SND1: variants seen among roughly 807,000 people sequenced by gnomAD.
SND1 encodes the protein staphylococcal nuclease and tudor domain containing 1.
Under a neutral mutation model 121.7 loss-of-function variants are expected in SND1, and 38 were observed. The ratio of observed to expected loss-of-function variants is 0.31; its 90% CI spans 0.24 to 0.41. The LOEUF (loss-of-function observed/expected upper bound fraction) is 0.41, where lower values mean the gene tolerates loss of function less well. Among genes scored for constraint, SND1 ranks in the 10% least tolerant of loss-of-function variants. SND1 has a pLI of 1.00. For synonymous variants in SND1, 401 were observed against 447.4 expected, an observed-to-expected ratio of 0.90 and a Z score of 1.31; for missense variants, 868 against 1,184.6, an observed-to-expected ratio of 0.73 and a Z score of 3.92.
intron 10 of SND1, among the ~76,000 whole-genome samples, chr7:127,728,709 C>T (rs1160608514): frequency 6.6e-6 from 1 of 152,194 alleles, no homozygotes; most frequent in Non-Finnish European, 1.5e-5. Flanking sequence ...TTACAGAGTG[C>T]TGTGAATAAA....
intron 12 of SND1, among the ~76,000 whole-genome samples, chr7:127,852,507 A>G (rs2116663568): frequency 6.7e-6 from 1 of 149,254 alleles, no homozygotes; most frequent in South Asian, 2.1e-4. Flanking sequence ...AAAAAAAAAA[A>G]GAAAAAAGGG....
At chr7:128,017,113 TGCTCAGCACAGTGTAGAGG>T (rs1803242184) in intron 16 of SND1, among the ~76,000 whole-genome samples, 1 of 152,236 alleles carries the variant, frequency 6.6e-6, no homozygotes, top group Non-Finnish European at 1.5e-5. Context: ...TCCCTGAAGC[TGCTCAGCACAGTGTAGAGG>T]GGACAGCAGA....
chr7:128,039,725 G>A (rs1278789810), intron 16 of SND1, among the ~76,000 whole-genome samples: 1 of 152,136 alleles, frequency 6.6e-6, no homozygotes, highest in East Asian at 1.9e-4. Flanking sequence ...TTTTCAAATT[G>A]GCTAAAGTGC....
chr7:128,002,018 G>A (rs952333656), intron 16 of SND1, among the ~76,000 whole-genome samples: 2 of 152,230 alleles, frequency 1.3e-5, no homozygotes, highest in Admixed American at 1.3e-4. Context: ...CCAGAGTAGA[G>A]TTCTAGGCTG....
intron 10 of SND1, among the ~76,000 whole-genome samples, chr7:127,783,434 G>C (rs1037809094): frequency 6.6e-6 from 1 of 152,172 alleles, no homozygotes; most frequent in Non-Finnish European, 1.5e-5. Flanking sequence ...TGAATATTGT[G>C]TTAACAGACT....
chr7:127,914,444 A>G (rs1308444608), intron 14 of SND1, among the ~76,000 whole-genome samples: 5 of 152,136 alleles, frequency 3.3e-5, no homozygotes, highest in African/African-American at 1.2e-4. Flanking sequence ...GCCCTTCTTC[A>G]ACATTTACAT....
chr7:127,653,223 A>G (rs1232902980), intron 1 of SND1, among the ~76,000 whole-genome samples: 1 of 152,168 alleles, frequency 6.6e-6, no homozygotes, highest in Non-Finnish European at 1.5e-5. Flanking sequence ...AAATTCTTCA[A>G]TTTTGAATTT....
chr7:127,661,772 A>G (rs1357288236), intron 1 of SND1, among the ~76,000 whole-genome samples: 1 of 152,000 alleles, frequency 6.6e-6, no homozygotes, highest in Non-Finnish European at 1.5e-5. Context: ...GTATTTCTAT[A>G]CTCAACTTGC....
chr7:127,662,413 T>C (rs1016204700), intron 1 of SND1, among the ~76,000 whole-genome samples: 7 of 152,178 alleles, frequency 4.6e-5, no homozygotes, highest in African/African-American at 2.4e-5. Context: ...TCTGTTGATA[T>C]ATGTTGTTTT....
intron 15 of SND1, among the ~76,000 whole-genome samples, chr7:127,982,075 G>A (rs1802274460): frequency 6.6e-6 from 1 of 152,192 alleles, no homozygotes; most frequent in African/African-American, 2.4e-5. Flanking sequence ...TCAAATGACT[G>A]TAGAAGAGGG....
At chr7:128,024,387 G>A (rs903852393) in intron 16 of SND1, among the ~76,000 whole-genome samples, 3 of 152,156 alleles carry the variant, frequency 2.0e-5, no homozygotes, top group Non-Finnish European at 2.9e-5. Context: ...GGATATAAAT[G>A]TTCCTCTCTC....
chr7:127,925,863 G>C (rs1800821038), intron 14 of SND1, among the ~76,000 whole-genome samples: 1 of 151,340 alleles, frequency 6.6e-6, no homozygotes, highest in Admixed American at 6.6e-5. Context: ...CCAAAGTGCT[G>C]GGATTACAGC....
Position 127,760,224 on chromosome 7 carries a change from T to C in SND1, c.1152+38824T>C, listed in dbSNP as rs1797278258. Among the ~76,000 whole-genome samples the C allele has an allele frequency of 3.3e-5, 5 of 152,334 alleles. No individual in the cohort carries two copies. The South Asian group carries it at 1.0e-3, about 32-fold the overall frequency. Reference sequence around the variant, plus strand: ...TAATCATTAATCTGTCTTGTTTATTTATTATGTGAGAGACCGGATGAGGAA... The same window carrying C: ...TAATCATTAATCTGTCTTGTTTATTCATTATGTGAGAGACCGGATGAGGAA... On this transcript the variant is annotated intron_variant, in intron 10 of 23. Coordinates refer to ENST00000354725, the MANE Select transcript of SND1 (RefSeq NM_014390.4).
chr7:127,985,152 G>A (rs987180841), intron 15 of SND1, among the ~76,000 whole-genome samples: 1 of 152,200 alleles, frequency 6.6e-6, no homozygotes, highest in Non-Finnish European at 1.5e-5. Flanking sequence ...CCAGCTTGTG[G>A]TGTGCGGAGA....
intron 15 of SND1, among the ~76,000 whole-genome samples, chr7:127,930,689 T>C (rs1263422593): frequency 6.6e-6 from 1 of 152,200 alleles, no homozygotes; most frequent in East Asian, 1.9e-4. Context: ...TGAAAGGCAG[T>C]GTGGCAGTTG....
At chr7:127,703,361 G>C in intron 7 of SND1, 38 bp downstream of exon 7, 1 of 1,607,348 alleles carries the variant, frequency 6.2e-7, no homozygotes. Flanking sequence ...TGATGGGCTA[G>C]GGATGCATTT....
intron 1 of SND1, among the ~76,000 whole-genome samples, chr7:127,675,222 A>C (rs898485443): frequency 6.6e-6 from 1 of 151,680 alleles, no homozygotes; most frequent in African/African-American, 2.4e-5. Context: ...AAAACCCTTC[A>C]TTTTTTTTCC....
intron 6 of SND1, among the ~76,000 whole-genome samples, chr7:127,702,790 A>G (rs1562984021): frequency 6.6e-6 from 1 of 152,300 alleles, no homozygotes; most frequent in East Asian, 1.9e-4. Context: ...TGGAACAATG[A>G]GAGGCTATGA....
intron 1 of SND1, among the ~76,000 whole-genome samples, chr7:127,684,710 T>G (rs896612947): frequency 1.5e-4 from 23 of 152,168 alleles, no homozygotes; most frequent in Non-Finnish European, 2.8e-4. Flanking sequence ...TTTTAGGGTT[T>G]AATTGCTGAT....
Sources: gnomAD v4.1 joint callset for allele counts (sites outside exome capture counted in the v4.1 genomes callset) on GRCh38, gnomAD v4.1.1 for gene constraint, MANE v1.5 for transcripts, NCBI Gene and HGNC (gene_info 2026-07-23, HGNC 2026-07-21) for gene names.